The following PNLIP variants were observed in gnomAD, a reference collection of about 807,000 sequenced individuals.
PNLIP encodes pancreatic triacylglycerol lipase.
A neutral mutation model predicts 57.1 loss-of-function variants in PNLIP; 49 were observed. The observed-to-expected ratio is 0.86, with a 90% CI of 0.68 to 1.09. The LOEUF (loss-of-function observed/expected upper bound fraction) is 1.09, where lower values mean the gene tolerates loss of function less well. Among genes scored for constraint, PNLIP ranks in the 50% least tolerant of loss-of-function variants. The pLI is 0.00. For missense variants in PNLIP, 503 were observed against 570.2 expected, an observed-to-expected ratio of 0.88 and a Z score of 1.20; for synonymous variants, 209 against 200.4, an observed-to-expected ratio of 1.04 and a Z score of -0.36.
chr10:116,561,077 G>A (rs1021891640), intron 11 of PNLIP, among the ~76,000 whole-genome samples: 1 of 152,140 alleles, frequency 6.6e-6, no homozygotes, highest in African/African-American at 2.4e-5. Flanking sequence ...AACCATTCAT[G>A]TTTGCTTTGA....
At chr10:116,561,754 C>T in intron 12 of PNLIP, 118 bp downstream of exon 12, 1 of 816,606 alleles carries the variant, frequency 1.2e-6, no homozygotes, top group Non-Finnish European at 1.9e-6. Flanking sequence ...ATCCTAGTTG[C>T]AGTTGCTTCC....
rs555490319 is a variant in PNLIP at position 116,556,191 on chromosome 10, C to A, written c.930+73C>A. 200 of 798,932 alleles carry A rather than the reference C, an allele frequency of 2.5e-4. 1 individual carries two copies. The highest frequency in any genetic ancestry group is 4.1e-4 in the Non-Finnish European group (187 of 453,220). 49.5% of individuals were successfully genotyped at this position (798,932 alleles called of 1,614,324 possible). On this transcript the variant is annotated intron_variant, in intron 9 of 12. Coordinates refer to ENST00000369221, the MANE Select transcript of PNLIP (RefSeq NM_000936.4). ...CTCATGACTGGTGTGCTTTCCTATA[C>A]ATGACATCATTCAATGAATGTTTAT...
Position 116,556,104 on chromosome 10 carries a change from A to T in PNLIP, c.916A>T (p.Asn306Tyr). Residue 306 changes from asparagine (N) to tyrosine (Y), a missense_variant, in exon 9 of 13, where the codon AAC becomes TAC. Transcript: ENST00000369221. The stretch of plus-strand genomic sequence containing the variant: ...TGCTGGATTCCCCTGTGCCTCTTAC[A>T]ACGTCTTCACTGCAGTAAGTAGACT... ...GFAGFPCASY[N>Y]VFTANKCFPC... The T allele has an allele frequency of 6.2e-7, 1 of 1,603,390 alleles. No individual in the cohort carries two copies. Among genetic ancestry groups the T allele is most frequent in the Non-Finnish European group, 8.5e-7 (1 of 1,170,174 alleles).
chr10:116,548,568 C>CA, intron 4 of PNLIP, 86 bp downstream of exon 4: 1 of 1,440,272 alleles, frequency 6.9e-7, no homozygotes, highest in Non-Finnish European at 9.5e-7. Context: ...CCAATGAGGA[C>CA]AGTGCTTGGA....
intron 4 of PNLIP, among the ~76,000 whole-genome samples, chr10:116,549,709 T>A (rs184959164): frequency 2.8e-4 from 43 of 152,290 alleles, no homozygotes; most frequent in African/African-American, 9.9e-4. Context: ...GGGAGGGTAA[T>A]AATAGATATT....
intron 6 of PNLIP, among the ~76,000 whole-genome samples, chr10:116,554,762 T>A (rs974885772): frequency 2.6e-5 from 4 of 152,228 alleles, no homozygotes; most frequent in African/African-American, 9.6e-5. Context: ...TTCCACAGTC[T>A]GTAAATGTTT....
At position 116,560,521 on chromosome 10, in the gene PNLIP, T is replaced by C; in HGVS notation, c.1166T>C (p.Phe389Ser). ...GGAAACTCTAAGCAGTATGAAATTT[T>C]CAAGTGAGTAAAATAATATTGCTCT... ...NKGNSKQYEI[F>S]KGTLKPDSTH... The change falls in exon 11 of 13, where the codon TTC (phenylalanine) becomes TCC (serine). Residue 389 changes from phenylalanine to serine, a missense_variant. Physicochemically the swap from Phe to Ser is radical, Grantham distance 155. Transcript: ENST00000369221. 2 of 1,401,436 alleles carry C rather than the reference T, an allele frequency of 1.4e-6. No homozygotes were observed. Among genetic ancestry groups the C allele is most frequent in the East Asian group, 2.3e-5 (1 of 43,650 alleles). 86.8% of individuals were successfully genotyped at this position (1,401,436 alleles called of 1,614,324 possible).
chr10:116,547,436 A>T lies in PNLIP; in HGVS notation c.189A>T (p.Pro63=), dbSNP rs118052168. ...TRFLLYTNEN[P]NNFQEVAADS... ...TCCTCCTATATACTAATGAGAACCC[A>T]AACAACTTTCAAGTAAGAACTATCA... The change falls in exon 3 of 13, where the codon CCA becomes CCT. Residue 63 remains proline, a synonymous_variant. Coordinates refer to ENST00000369221, the MANE Select transcript of PNLIP (RefSeq NM_000936.4). The T allele has an allele frequency of 1.9e-6, 3 of 1,612,096 alleles. No individual in the cohort carries two copies. The highest frequency in any genetic ancestry group is 2.2e-5 in the East Asian group (1 of 44,868).
intron 12 of PNLIP, 52 bp from the exon 13 acceptor site, chr10:116,567,683 C>T: frequency 6.9e-7 from 1 of 1,457,906 alleles, no homozygotes; most frequent in Non-Finnish European, 9.6e-7. Flanking sequence ...CTGTCACACT[C>T]CAGATATGTG....
At position 116,547,399 on chromosome 10, in the gene PNLIP, T is replaced by G; in HGVS notation, c.152T>G (p.Val51Gly). Residue 51 changes from valine to glycine, a missense_variant, in exon 3 of 13, where the codon GTC (valine) becomes GGC (glycine). Transcript: ENST00000369221. ...LHILPWSPKD[V>G]NTRFLLYTNE... ...ATATTGCCTTGGTCTCCAAAAGATGTCAACACCCGCTTCCTCCTATATACT... is the reference window on the plus strand; with the variant it reads ...ATATTGCCTTGGTCTCCAAAAGATGGCAACACCCGCTTCCTCCTATATACT... The G allele has an allele frequency of 6.2e-7, 1 of 1,614,104 alleles. No homozygotes were observed. Among genetic ancestry groups the G allele is most frequent in the Non-Finnish European group, 8.5e-7 (1 of 1,179,976 alleles).
intron 12 of PNLIP, among the ~76,000 whole-genome samples, chr10:116,566,479 T>C (rs1294094328): frequency 6.6e-6 from 1 of 152,028 alleles, no homozygotes; most frequent in Middle Eastern, 3.2e-3. Context: ...GTTAATAACT[T>C]TGATGTTGGT....
At chr10:116,547,651 G>A (rs953082941) in intron 3 of PNLIP, among the ~76,000 whole-genome samples, 7 of 150,666 alleles carry the variant, frequency 4.6e-5, no homozygotes, top group Non-Finnish European at 8.9e-5. Flanking sequence ...GCGTGAACCC[G>A]GGAGGCAGAG....
chr10:116,558,396 A>G (rs576347543), intron 9 of PNLIP, among the ~76,000 whole-genome samples: 6 of 151,374 alleles, frequency 4.0e-5, no homozygotes, highest in African/African-American at 9.7e-5. Context: ...GGGTTTCACC[A>G]TGTTAGCCAG....
At chr10:116,560,167 GA>G (rs1366776743) in intron 10 of PNLIP, among the ~76,000 whole-genome samples, 3 of 151,226 alleles carry the variant, frequency 2.0e-5, no homozygotes, top group African/African-American at 4.9e-5. Context: ...CCCTTGGCTT[GA>G]AAAAAAATCT....
At chr10:116,556,980 C>A (rs1425521038) in intron 9 of PNLIP, among the ~76,000 whole-genome samples, 1 of 152,098 alleles carries the variant, frequency 6.6e-6, no homozygotes, top group African/African-American at 2.4e-5. Flanking sequence ...ATACTGATGG[C>A]AAACTTAACA....
At position 116,567,725 on chromosome 10, in the gene PNLIP, T is replaced by C. The variant is rs1847385315; in HGVS notation, c.1335-10T>C. The C allele has an allele frequency of 1.9e-6, 3 of 1,613,014 alleles. No homozygotes were observed. In the East Asian group the frequency reaches 6.7e-5, roughly 36 times the overall value. On this transcript the variant is annotated splice_polypyrimidine_tract_variant and intron_variant, in intron 12 of 12. Coordinates refer to ENST00000369221, the MANE Select transcript of PNLIP (RefSeq NM_000936.4). Reference sequence around the variant, plus strand: ...AGAGGAGGTGACTTTGTGTTGTTTTTTCTCCACAGGTTCAACTTCTGTAGT... The same window carrying C: ...AGAGGAGGTGACTTTGTGTTGTTTTCTCTCCACAGGTTCAACTTCTGTAGT...
At chr10:116,548,289 C>G in intron 3 of PNLIP, 71 bp from the exon 4 acceptor site, 2 of 1,481,804 alleles carry the variant, frequency 1.3e-6, no homozygotes, top group South Asian at 1.2e-5. Flanking sequence ...ACTTACTGCC[C>G]CTCTCCATGT....
chr10:116,549,335 C>G (rs1316076654), intron 4 of PNLIP, among the ~76,000 whole-genome samples: 1 of 151,928 alleles, frequency 6.6e-6, no homozygotes, highest in South Asian at 2.1e-4. Flanking sequence ...AAAAATTAGC[C>G]AGGTATGGTG....
intron 11 of PNLIP, among the ~76,000 whole-genome samples, 199 bp downstream of exon 11, chr10:116,560,723 GC>G (rs1179950660): frequency 5.3e-5 from 8 of 151,332 alleles, no homozygotes; most frequent in Non-Finnish European, 1.2e-4. Context: ...GATTACAGGC[GC>G]CCACCACCAC....
Sources: allele counts gnomAD v4.1 joint callset (sites outside exome capture counted in the v4.1 genomes callset), GRCh38; gene constraint gnomAD v4.1.1; transcripts MANE v1.5; gene names NCBI Gene and HGNC (gene_info 2026-07-23, HGNC 2026-07-21).